The following SIPA1L1 variants were observed in gnomAD, a reference collection of about 807,000 sequenced individuals.
The protein encoded by SIPA1L1 is signal induced proliferation associated 1 like 1, also known as signal-induced proliferation-associated 1-like protein 1.
In SIPA1L1, 26 loss-of-function variants were observed where a neutral mutation model predicts 162.7. The ratio of observed to expected loss-of-function variants is 0.16; its 90% CI spans 0.12 to 0.22. The LOEUF is 0.22. Among genes scored for constraint, SIPA1L1 ranks in the 10% least tolerant of loss-of-function variants. SIPA1L1 has a pLI of 1.00. For synonymous variants in SIPA1L1, 829 were observed against 837.4 expected (o/e 0.99, Z 0.17); for missense variants, 1,874 against 2,241.0 (o/e 0.84, Z 3.31).
At chr14:71,542,641 C>A (rs1404111224) in intron 4 of SIPA1L1, among the ~76,000 whole-genome samples, 2 of 110,492 alleles carry the variant, frequency 1.8e-5, no homozygotes, top group Non-Finnish European at 3.9e-5. Flanking sequence ...TCTTCTTCCA[C>A]TTCTTTCTTC....
chr14:71,360,037 G>T (rs963758021), intron 2 of SIPA1L1, among the ~76,000 whole-genome samples: 1 of 152,146 alleles, frequency 6.6e-6, no homozygotes, highest in Non-Finnish European at 1.5e-5. Flanking sequence ...GGAAGTGAAG[G>T]CATCAAGATC....
intron 4 of SIPA1L1, among the ~76,000 whole-genome samples, chr14:71,552,791 A>G (rs1445210686): frequency 6.6e-6 from 1 of 152,104 alleles, no homozygotes; most frequent in Non-Finnish European, 1.5e-5. Context: ...GGGACTACCG[A>G]GTGCCTTGGA....
intron 22 of SIPA1L1, among the ~76,000 whole-genome samples, chr14:71,737,793 A>G (rs1409183258): frequency 1.3e-5 from 2 of 152,170 alleles, no homozygotes; most frequent in East Asian, 3.9e-4. Flanking sequence ...ACTTGGGACC[A>G]GAGACGACCT....
chr14:71,477,261 A>T (rs1468465480), intron 2 of SIPA1L1, among the ~76,000 whole-genome samples: 1 of 152,100 alleles, frequency 6.6e-6, no homozygotes, highest in African/African-American at 2.4e-5. Flanking sequence ...ACTCTTTAAA[A>T]CAAGAACAAA....
intron 4 of SIPA1L1, among the ~76,000 whole-genome samples, chr14:71,565,673 A>G (rs1005973167): frequency 2.0e-5 from 3 of 151,956 alleles, no homozygotes; most frequent in African/African-American, 7.3e-5. Flanking sequence ...GGTAAGATTT[A>G]CTCCTCCTTT....
intron 2 of SIPA1L1, among the ~76,000 whole-genome samples, chr14:71,460,178 T>C (rs1285455813): frequency 6.6e-6 from 1 of 152,210 alleles, no homozygotes; most frequent in Non-Finnish European, 1.5e-5. Context: ...ACAGTCCTTG[T>C]TTCTATAGCT....
At chr14:71,404,574 G>C (rs913086809) in intron 2 of SIPA1L1, among the ~76,000 whole-genome samples, 1 of 152,164 alleles carries the variant, frequency 6.6e-6, no homozygotes, top group Non-Finnish European at 1.5e-5. Context: ...TCCCCTTCAA[G>C]TTTATTAAAG....
At chr14:71,697,940 A>G (rs1464539387) in intron 13 of SIPA1L1, among the ~76,000 whole-genome samples, 1 of 151,820 alleles carries the variant, frequency 6.6e-6, no homozygotes, top group Non-Finnish European at 1.5e-5. Flanking sequence ...AAAACAAAAA[A>G]AAAACCACAG....
chr14:71,552,216 T>C (rs926107526), intron 4 of SIPA1L1, among the ~76,000 whole-genome samples: 3 of 152,090 alleles, frequency 2.0e-5, no homozygotes, highest in African/African-American at 7.2e-5. Context: ...AACTTTGAGA[T>C]CTTGAAAGTT....
chr14:71,672,194 A>G (rs1280712665), intron 11 of SIPA1L1, among the ~76,000 whole-genome samples, 154 bp from the exon 12 acceptor site: 1 of 152,160 alleles, frequency 6.6e-6, no homozygotes, highest in Non-Finnish European at 1.5e-5. Flanking sequence ...GGCCTAATGA[A>G]TAGGAGATTA....
chr14:71,523,975 A>G (rs942050142), intron 3 of SIPA1L1, among the ~76,000 whole-genome samples: 1 of 152,156 alleles, frequency 6.6e-6, no homozygotes, highest in African/African-American at 2.4e-5. Context: ...CATCTCTCCA[A>G]GTAGTCCTGG....
At chr14:71,637,147 C>A (rs1204212080) in intron 7 of SIPA1L1, among the ~76,000 whole-genome samples, 2 of 148,460 alleles carry the variant, frequency 1.3e-5, no homozygotes, top group African/African-American at 5.0e-5. Flanking sequence ...CGTGCACACA[C>A]ACACACACAC....
rs2085715948 is a variant in SIPA1L1 at position 71,741,160 on chromosome 14, G to A, written c.*1999G>A. On this transcript the variant is annotated 3_prime_UTR_variant, in exon 24 of 24. Coordinates refer to ENST00000381232, the MANE Select transcript of SIPA1L1 (RefSeq NM_001386936.1). ...TTTGTTAACACTAATGATGATTCTT[G>A]AAAATTTCTGTCCTTCTCAGAATGT... is the stretch of plus-strand genomic sequence containing the variant. 6.6e-6 allele frequency: 1 copy of A among 152,118 alleles called. No individual in the cohort carries two copies. Among genetic ancestry groups the A allele is most frequent in the Non-Finnish European group, 1.5e-5 (1 of 68,008 alleles). The allele number at this position is 152,118 out of a possible 1,614,324, so 9.4% of individuals were successfully genotyped here.
intron 4 of SIPA1L1, among the ~76,000 whole-genome samples, chr14:71,557,613 A>G (rs1027378910): frequency 3.3e-5 from 5 of 152,196 alleles, no homozygotes; most frequent in African/African-American, 9.7e-5. Context: ...GATCGTTGCG[A>G]AAGTACCTTA....
chr14:71,482,954 A>G (rs2048463892), intron 2 of SIPA1L1, among the ~76,000 whole-genome samples: 1 of 152,222 alleles, frequency 6.6e-6, no homozygotes, highest in Non-Finnish European at 1.5e-5. Context: ...CAGCCAACTC[A>G]TAGTCAGCCA....
intron 2 of SIPA1L1, among the ~76,000 whole-genome samples, chr14:71,506,998 G>A (rs536046335): frequency 6.6e-6 from 1 of 151,894 alleles, no homozygotes; most frequent in Non-Finnish European, 1.5e-5. Flanking sequence ...CATAGCAGAG[G>A]TACCTATTTT....
intron 2 of SIPA1L1, among the ~76,000 whole-genome samples, chr14:71,382,376 A>G (rs1048511313): frequency 5.9e-5 from 9 of 152,262 alleles, no homozygotes; most frequent in African/African-American, 2.2e-4. Flanking sequence ...TAGGCTTTAG[A>G]ATCTGGATAA....
intron 4 of SIPA1L1, among the ~76,000 whole-genome samples, chr14:71,553,854 T>C (rs894750594): frequency 6.6e-6 from 1 of 152,196 alleles, no homozygotes; most frequent in Non-Finnish European, 1.5e-5. Flanking sequence ...ATGCAATTCT[T>C]GTCAGCTTTC....
At chr14:71,624,282 C>A in intron 7 of SIPA1L1, 46 bp downstream of exon 7, 1 of 1,501,904 alleles carries the variant, frequency 6.7e-7, no homozygotes, top group Non-Finnish European at 9.1e-7. Context: ...AGGTTTATTG[C>A]TAGGCTTCCG....
Sources: allele counts gnomAD v4.1 joint callset (sites outside exome capture counted in the v4.1 genomes callset), GRCh38; gene constraint gnomAD v4.1.1; transcripts MANE v1.5; gene names NCBI Gene and HGNC (gene_info 2026-07-23, HGNC 2026-07-21).